CHI3L1: variants seen among roughly 807,000 people sequenced by gnomAD.
CHI3L1 encodes chitinase-3-like protein 1.
CHI3L1 carries 30 observed loss-of-function variants against 40.7 expected under a neutral mutation model. The observed-to-expected ratio is 0.74, with a 90% CI of 0.55 to 1.00. CHI3L1 has a LOEUF of 1.00. Among genes scored for constraint, CHI3L1 ranks in the 50% least tolerant of loss-of-function variants. The probability of loss-of-function intolerance (pLI) is 0.00; values close to 1 mark genes in which losing one functional copy is unlikely to be tolerated. For synonymous variants in CHI3L1, 210 were observed against 192.1 expected (o/e 1.09, Z -0.77); for missense variants, 493 against 492.2 (o/e 1.00, Z -0.01).
Position 203,181,127 on chromosome 1 carries a change from C to T in CHI3L1, c.711+35G>A, listed in dbSNP as rs374173005. 25 of 1,610,154 alleles carry T rather than the reference C, an allele frequency of 1.6e-5. No individual in the cohort carries two copies. The African/African-American group carries it at 2.3e-4, about 15-fold the overall frequency. On this transcript the variant is annotated intron_variant, in intron 7 of 9. Coordinates refer to ENST00000255409, the MANE Select transcript of CHI3L1 (RefSeq NM_001276.4). ...CACTGGCAGATGGCAGGTCTTGCGG[C>T]CCCCTCCTGGCCCTCCCTCCTTCTG...
Position 203,179,526 on chromosome 1 carries a change from A to ATCCAGG in CHI3L1, c.1065_1070dup (p.Leu356_Asp357dup). On this transcript the variant is annotated inframe_insertion, in exon 10 of 10. Coordinates refer to ENST00000255409, the MANE Select transcript of CHI3L1 (RefSeq NM_001276.4). ...GGCCACAGAAGGAGCCCTGGAAGTC[A>ATCCAGG]TCCAGGTCCAGGGCCCATACCATGG... 6.3e-7 allele frequency: 1 copy of ATCCAGG among 1,595,692 alleles called. No homozygotes were observed. Among genetic ancestry groups the ATCCAGG allele is most frequent in the Non-Finnish European group, 8.6e-7 (1 of 1,168,294 alleles).
intron 6 of CHI3L1, 64 bp from the exon 7 acceptor site, chr1:203,181,349 G>A (rs1053570776): frequency 9.6e-6 from 15 of 1,566,870 alleles, no homozygotes; most frequent in East Asian, 9.1e-5. Flanking sequence ...TAGGCCGGGC[G>A]TGGTGGCTCA....
intron 4 of CHI3L1, 53 bp from the exon 5 acceptor site, chr1:203,183,844 T>C (rs1655999527): frequency 6.2e-7 from 1 of 1,604,810 alleles, no homozygotes; most frequent in African/African-American, 1.3e-5. Flanking sequence ...GCTAGGTGCC[T>C]TGGGCCTCTG....
At chr1:203,180,204 C>A in intron 8 of CHI3L1, 1 of 563,024 alleles carries the variant, frequency 1.8e-6, no homozygotes. Context: ...GACCTCTGCT[C>A]TTTCCTGGGC....
intron 4 of CHI3L1, 46 bp from the exon 5 acceptor site, chr1:203,183,837 A>G: frequency 6.2e-7 from 1 of 1,610,282 alleles, no homozygotes; most frequent in Non-Finnish European, 8.5e-7. Context: ...CTGATATGCT[A>G]GGTGCCTTGG....
chr1:203,180,002 G>T, intron 8 of CHI3L1, 125 bp from the exon 9 acceptor site: 1 of 844,208 alleles, frequency 1.2e-6, no homozygotes, highest in Non-Finnish European at 1.9e-6. Flanking sequence ...CTCTCTGCAG[G>T]GTCTGCAGGC....
chr1:203,183,635 C>T lies in CHI3L1; in HGVS notation c.465+6G>A. 2 of 1,614,066 alleles carry T rather than the reference C, an allele frequency of 1.2e-6. No homozygotes were observed. The highest frequency in any genetic ancestry group is 1.7e-6 in the Non-Finnish European group (2 of 1,180,016). ...CCTCCCTCCCTGTCCCTGACCTGACCAGCACCTTGATTAGGGTGGTAAAAT... is the reference window on the plus strand; with the variant it reads ...CCTCCCTCCCTGTCCCTGACCTGACTAGCACCTTGATTAGGGTGGTAAAAT... On this transcript the variant is annotated splice_donor_region_variant and intron_variant, in intron 5 of 9. Transcript: ENST00000255409.
rs200949867 is a variant in CHI3L1 at position 203,180,580 on chromosome 1, C to T, written c.784G>A (p.Gly262Arg). 20 of 1,612,548 alleles carry T rather than the reference C, an allele frequency of 1.2e-5. No individual in the cohort carries two copies. The Middle Eastern group carries it at 5.0e-4, about 40-fold the overall frequency. The change falls in exon 8 of 10, where the codon GGG becomes AGG. Residue 262 changes from glycine to arginine, a missense_variant. Coordinates refer to ENST00000255409, the MANE Select transcript of CHI3L1 (RefSeq NM_001276.4). Reference protein sequence around the residue: ...SKLVMGIPTFGRSFTLASSET... With the variant: ...SKLVMGIPTFRRSFTLASSET... ...GAAGAAGCCAGAGTGAAGCTCCTCCCGAAGGTGGGGATGCCCATCACCAGC... is the reference window on the plus strand; with the variant it reads ...GAAGAAGCCAGAGTGAAGCTCCTCCTGAAGGTGGGGATGCCCATCACCAGC...
chr1:203,186,024 G>T (rs1656048312), intron 2 of CHI3L1, among the ~76,000 whole-genome samples: 1 of 152,204 alleles, frequency 6.6e-6, no homozygotes, highest in African/African-American at 2.4e-5. Context: ...CATCCAAGCA[G>T]CTACTGGGCA....
At chr1:203,179,732 T>C (rs1558147410) in intron 9 of CHI3L1, 29 bp downstream of exon 9, 2 of 1,614,162 alleles carry the variant, frequency 1.2e-6, no homozygotes, top group Non-Finnish European at 1.7e-6. Context: ...TTTCTCTTTG[T>C]CCTGAGGTGT....
intron 7 of CHI3L1, 47 bp from the exon 8 acceptor site, chr1:203,180,699 G>A (rs1169828220): frequency 6.9e-7 from 1 of 1,459,342 alleles, no homozygotes; most frequent in South Asian, 1.3e-5. Context: ...GTGCACAGGT[G>A]CGGAAGGTTG....
In CHI3L1 at chr1:203,181,242, C is replaced by A. The variant is rs757481224; in HGVS notation, c.631G>T (p.Ala211Ser). Residue 211 changes from alanine (A) to serine (S), a missense_variant, in exon 7 of 10, where the codon GCC becomes TCC. Physicochemically the swap from Ala to Ser is moderately conservative, Grantham distance 99. Coordinates refer to ENST00000255409, the MANE Select transcript of CHI3L1 (RefSeq NM_001276.4). ...TGATGGCCTGTGGTCCCACGCCAGG[C>A]TCCATGAAAATCGTAGGTCATGATG... is the stretch of plus-strand genomic sequence containing the variant. Reference protein sequence around the residue: ...ISIMTYDFHGAWRGTTGHHSP... With the variant: ...ISIMTYDFHGSWRGTTGHHSP... 4.3e-6 allele frequency: 7 copies of A among 1,614,078 alleles called. No individual in the cohort carries two copies. The highest frequency in any genetic ancestry group is 3.3e-5 in the South Asian group (3 of 91,068).
intron 5 of CHI3L1, 137 bp downstream of exon 5, chr1:203,183,504 G>C (rs1296320670): frequency 2.4e-6 from 2 of 848,480 alleles, no homozygotes; most frequent in Non-Finnish European, 3.7e-6. Flanking sequence ...TCAGGGCACA[G>C]GGTCCCAGGA....
chr1:203,180,698 T>G, intron 7 of CHI3L1, 46 bp from the exon 8 acceptor site: 1 of 1,460,774 alleles, frequency 6.8e-7, no homozygotes, highest in Admixed American at 2.2e-5. Context: ...AGTGCACAGG[T>G]GCGGAAGGTT....
At position 203,183,622 on chromosome 1, in the gene CHI3L1, T is replaced by TC; in HGVS notation, c.465+18dup. 2 of 1,613,748 alleles carry TC rather than the reference T, an allele frequency of 1.2e-6. No homozygotes were observed. Among genetic ancestry groups the TC allele is most frequent in the Non-Finnish European group, 1.7e-6 (2 of 1,179,888 alleles). ...TCATGCCTGCCCACCTCCCTCCCTGTCCCTGACCTGACCAGCACCTTGATT... is the reference window on the plus strand; with the variant it reads ...TCATGCCTGCCCACCTCCCTCCCTGTCCCCTGACCTGACCAGCACCTTGATT... On this transcript the variant is annotated intron_variant, in intron 5 of 9. Transcript: ENST00000255409.
intron 4 of CHI3L1, among the ~76,000 whole-genome samples, 190 bp from the exon 5 acceptor site, chr1:203,183,981 C>A (rs1316945974): frequency 6.6e-6 from 1 of 152,236 alleles, no homozygotes; most frequent in Non-Finnish European, 1.5e-5. Flanking sequence ...GTTTCCAAGT[C>A]TGGCTCTATC....
chr1:203,182,881 A>G (rs1655965943), intron 5 of CHI3L1, 29 bp from the exon 6 acceptor site: 1 of 1,612,562 alleles, frequency 6.2e-7, no homozygotes, highest in African/African-American at 1.3e-5. Context: ...GGTGAGAGAA[A>G]GGGTCCCAAG....
In CHI3L1 at chr1:203,185,093, G is replaced by A. The variant is rs1475406240; in HGVS notation, c.257+91C>T. The stretch of plus-strand genomic sequence containing the variant: ...TAACTCTCCAAACATAGGTGAGCAG[G>A]GTGGGGCCTCGCCCTTCCTCCTGGG... On this transcript the variant is annotated intron_variant, in intron 3 of 9. Coordinates refer to ENST00000255409, the MANE Select transcript of CHI3L1 (RefSeq NM_001276.4). 8 of 1,045,634 alleles carry A rather than the reference G, an allele frequency of 7.7e-6. No individual in the cohort carries two copies. The Admixed American group carries it at 1.5e-4, about 19-fold the overall frequency. 64.8% of individuals were successfully genotyped at this position (1,045,634 alleles called of 1,614,324 possible). A position where few individuals can be genotyped will look rare whatever the true frequency, so the allele number is the denominator to read the frequency against.
At chr1:203,185,902 C>T (rs898249384) in intron 2 of CHI3L1, among the ~76,000 whole-genome samples, 1 of 152,170 alleles carries the variant, frequency 6.6e-6, no homozygotes, top group Non-Finnish European at 1.5e-5. Context: ...AATGGCAGTC[C>T]TGTGCTCCCT....
Sources: allele counts gnomAD v4.1 joint callset (sites outside exome capture counted in the v4.1 genomes callset), GRCh38; gene constraint gnomAD v4.1.1; transcripts MANE v1.5; gene names NCBI Gene and HGNC (gene_info 2026-07-23, HGNC 2026-07-21).